Variants in UPB1 observed in about 807,000 individuals in gnomAD.
The protein encoded by UPB1 is beta-ureidopropionase.
UPB1 carries 40 observed loss-of-function variants against 49.1 expected under a neutral mutation model. That is an observed-to-expected ratio of 0.81 (90% confidence interval 0.63 to 1.06). The LOEUF (loss-of-function observed/expected upper bound fraction) is 1.06, where lower values mean the gene tolerates loss of function less well. Among genes scored for constraint, UPB1 ranks in the 50% least tolerant of loss-of-function variants. The pLI is 0.00. For synonymous variants in UPB1, 207 were observed against 198.2 expected, an observed-to-expected ratio of 1.04 and a Z score of -0.38; for missense variants, 499 against 505.9, an observed-to-expected ratio of 0.99 and a Z score of 0.13.
Position 24,515,010 on chromosome 22 carries a change from G to A in UPB1, c.622-191G>A, listed in dbSNP as rs530398838. Among the ~76,000 whole-genome samples, 9 of 152,222 alleles carry A rather than the reference G, an allele frequency of 5.9e-5. No individual in the cohort carries two copies. The South Asian group carries it at 6.2e-4, about 11-fold the overall frequency. The stretch of plus-strand genomic sequence containing the variant: ...TGCTTAAGCCACTGTGATTTCCCCC[G>A]GGGGCTGGCTTATTTGGTGTCAGGG... On this transcript the variant is annotated intron_variant, in intron 5 of 9. Coordinates refer to ENST00000326010, the MANE Select transcript of UPB1 (RefSeq NM_016327.3).
In UPB1 at chr22:24,513,357, C is replaced by G. The variant is rs752229360; in HGVS notation, c.493C>G (p.Pro165Ala). Residue 165 changes from proline to alanine, a missense_variant, in exon 5 of 10, where the codon CCC becomes GCC. Pro to Ala is a conservative substitution (Grantham distance 27). Transcript: ENST00000326010. ...GAACCATGACATGGTGGTGGTGTCT[C>G]CCATCCTGGAACGAGACAGCGAGCA... Reference protein sequence around the residue: ...AKNHDMVVVSPILERDSEHGD... With the variant: ...AKNHDMVVVSAILERDSEHGD... 6.2e-7 allele frequency: 1 copy of G among 1,614,052 alleles called. No homozygotes were observed. Among genetic ancestry groups the G allele is most frequent in the African/African-American group, 1.3e-5 (1 of 74,912 alleles).
chr22:24,518,604 T>C (rs1052417670), intron 6 of UPB1, among the ~76,000 whole-genome samples: 3 of 152,230 alleles, frequency 2.0e-5, no homozygotes, highest in African/African-American at 4.8e-5. Context: ...TGGCACCTTC[T>C]GCCGCCTGTA....
chr22:24,515,084 G>A lies in UPB1; in HGVS notation c.622-117G>A, dbSNP rs2044269594. 1.3e-5 allele frequency: 17 copies of A among 1,311,744 alleles called. No homozygotes were observed. The South Asian group carries it at 1.4e-4, about 11-fold the overall frequency. 81.3% of individuals were successfully genotyped at this position (1,311,744 alleles called of 1,614,324 possible). On this transcript the variant is annotated intron_variant, in intron 5 of 9. Transcript: ENST00000326010. ...TATCATATTGAAATTCTGGAACTTA[G>A]AGTCACACTCAGGAGTGTAACCACC...
At chr22:24,500,012 T>C (rs1212966545) in intron 1 of UPB1, 95 bp from the exon 2 acceptor site, 150 of 1,591,574 alleles carry the variant, frequency 9.4e-5, no homozygotes, top group Non-Finnish European at 1.3e-4. Context: ...TCCTCACCTC[T>C]TTGGCTGATA....
chr22:24,509,194 G>A (rs917191668), intron 3 of UPB1, among the ~76,000 whole-genome samples: 1 of 152,012 alleles, frequency 6.6e-6, no homozygotes, highest in Non-Finnish European at 1.5e-5. Flanking sequence ...AGATATTCAC[G>A]TGTGGCTGGG....
At chr22:24,508,227 A>G (rs1164798074) in intron 3 of UPB1, among the ~76,000 whole-genome samples, 2 of 152,210 alleles carry the variant, frequency 1.3e-5, no homozygotes, top group Admixed American at 6.5e-5. Flanking sequence ...ACAATAGCAG[A>G]CAACTGGAAA....
intron 1 of UPB1, among the ~76,000 whole-genome samples, chr22:24,496,479 T>G (rs998009629): frequency 6.6e-6 from 1 of 152,054 alleles, no homozygotes; most frequent in African/African-American, 2.4e-5. Context: ...TATCTTGAGA[T>G]CCTGACCTTA....
intron 3 of UPB1, among the ~76,000 whole-genome samples, chr22:24,507,771 G>A (rs979208467): frequency 2.0e-5 from 3 of 152,066 alleles, no homozygotes; most frequent in African/African-American, 7.2e-5. Flanking sequence ...GTCACCACCT[G>A]TGCCAAGTGT....
chr22:24,496,406 C>T (rs6004168), intron 1 of UPB1, among the ~76,000 whole-genome samples: 26 of 129,108 alleles, frequency 2.0e-4, no homozygotes, highest in South Asian at 7.3e-4. Context: ...CACACACATA[C>T]ACACACACAC....
intron 1 of UPB1, among the ~76,000 whole-genome samples, chr22:24,496,174 G>A (rs896645036): frequency 1.3e-5 from 2 of 152,112 alleles, no homozygotes; most frequent in Non-Finnish European, 2.9e-5. Context: ...TTCGAGACCG[G>A]CCTGGGCAAC....
At chr22:24,506,842 G>A (rs973335708) in intron 3 of UPB1, among the ~76,000 whole-genome samples, 1 of 152,114 alleles carries the variant, frequency 6.6e-6, no homozygotes, top group African/African-American at 2.4e-5. Flanking sequence ...CTTGGATCTG[G>A]AACTCCCCCT....
chr22:24,522,160 A>G (rs2044406416), intron 8 of UPB1, 132 bp downstream of exon 8: 16 of 1,057,502 alleles, frequency 1.5e-5, no homozygotes, highest in East Asian at 2.6e-5. Flanking sequence ...GGAGGCGCCA[A>G]TTCCTCTCTG....
rs115558714 is a variant in UPB1, at chr22:24,518,805, G to A, written c.792-1582G>A. On this transcript the variant is annotated intron_variant, in intron 6 of 9. Coordinates refer to ENST00000326010, the MANE Select transcript of UPB1 (RefSeq NM_016327.3). Reference sequence around the variant, plus strand: ...TTTCTACCACCTGTGTACATTCATTGGCAAGTCACCATCCTATCCTCTTGC... The same window carrying A: ...TTTCTACCACCTGTGTACATTCATTAGCAAGTCACCATCCTATCCTCTTGC... 6.5e-3 allele frequency among the ~76,000 whole-genome samples: 993 copies of A among 152,226 alleles called. 15 individuals carry two copies. Among genetic ancestry groups the A allele is most frequent in the African/African-American group, 0.022 (918 of 41,530 alleles).
chr22:24,505,274 T>C (rs1241653679), intron 3 of UPB1, among the ~76,000 whole-genome samples: 1 of 152,234 alleles, frequency 6.6e-6, no homozygotes. Flanking sequence ...CCAAGAGTCC[T>C]TATTCCAAGT....
At chr22:24,513,283 G>C in intron 4 of UPB1, 41 bp from the exon 5 acceptor site, 2 of 1,613,790 alleles carry the variant, frequency 1.2e-6, no homozygotes, top group Non-Finnish European at 1.7e-6. Context: ...TACAACAATT[G>C]GTTTATAAGT....
chr22:24,495,670 G>A (rs902337916), intron 1 of UPB1, among the ~76,000 whole-genome samples, 163 bp downstream of exon 1: 3 of 152,128 alleles, frequency 2.0e-5, no homozygotes, highest in Non-Finnish European at 4.4e-5. Flanking sequence ...GGACGGCCCC[G>A]GGGTCCTTGG....
intron 4 of UPB1, among the ~76,000 whole-genome samples, chr22:24,512,004 C>G (rs2044214969): frequency 6.6e-6 from 1 of 152,082 alleles, no homozygotes; most frequent in African/African-American, 2.4e-5. Flanking sequence ...CACAATAACT[C>G]TTTTCATTTC....
chr22:24,522,088 T>C (rs2044405175), intron 8 of UPB1, 60 bp downstream of exon 8: 2 of 1,587,196 alleles, frequency 1.3e-6, no homozygotes, highest in South Asian at 1.1e-5. Context: ...TCCCCTTCTC[T>C]GTCTGCTTCC....
chr22:24,514,645 A>C (rs1057170917), intron 5 of UPB1, among the ~76,000 whole-genome samples: 1 of 152,204 alleles, frequency 6.6e-6, no homozygotes, highest in Non-Finnish European at 1.5e-5. Flanking sequence ...CCTGCCCCAC[A>C]GGGACCTCCT....
Sources: allele counts gnomAD v4.1 joint callset (sites outside exome capture counted in the v4.1 genomes callset), GRCh38; gene constraint gnomAD v4.1.1; transcripts MANE v1.5; gene names NCBI Gene and HGNC (gene_info 2026-07-23, HGNC 2026-07-21).